The following AR variants were observed in gnomAD, a reference collection of about 807,000 sequenced individuals.
The protein encoded by AR is dihydrotestosterone receptor.
A neutral mutation model predicts 53.9 loss-of-function variants in AR; 8 were observed. That is an observed-to-expected ratio of 0.15 (90% confidence interval 0.09 to 0.27). The LOEUF (loss-of-function observed/expected upper bound fraction) is 0.27, where lower values mean the gene tolerates loss of function less well. AR is among the 10% of genes least tolerant of loss of function. The probability of loss-of-function intolerance (pLI) is 1.00; values close to 1 mark genes in which losing one functional copy is unlikely to be tolerated. For synonymous variants in AR, 359 were observed against 316.4 expected (o/e 1.13, Z -1.43); for missense variants, 639 against 742.5 (o/e 0.86, Z 1.62).
At chrX:67,549,187 G>T (rs1929897139) in intron 1 of AR, among the ~76,000 whole-genome samples, 1 of 111,259 alleles carries the variant, frequency 9.0e-6, no homozygotes, top group Non-Finnish European at 1.9e-5. Flanking sequence ...GATACAATTT[G>T]GTGAAAGGCA....
chrX:67,566,259 G>T (rs1237286254), intron 1 of AR, among the ~76,000 whole-genome samples: 1 of 111,340 alleles, frequency 9.0e-6, no homozygotes, highest in Non-Finnish European at 1.9e-5. Context: ...CCCTGTGCTG[G>T]ATTCTGAGGC....
intron 1 of AR, among the ~76,000 whole-genome samples, chrX:67,624,412 A>G (rs1450058955): frequency 8.9e-6 from 1 of 111,969 alleles, no homozygotes; most frequent in African/African-American, 3.2e-5. Flanking sequence ...AGAAAAGCCC[A>G]GGTTCAGTCT....
At chrX:67,679,582 A>G (rs1200575170) in intron 2 of AR, among the ~76,000 whole-genome samples, 1 of 111,780 alleles carries the variant, frequency 8.9e-6, no homozygotes, top group African/African-American at 3.2e-5. Context: ...ATTTCTCTCT[A>G]AAGTATTTTT....
intron 1 of AR, among the ~76,000 whole-genome samples, chrX:67,616,883 C>T (rs757866439): frequency 9.0e-6 from 1 of 111,202 alleles, no homozygotes; most frequent in South Asian, 3.8e-4. Flanking sequence ...GAAGGCAAAG[C>T]GCCTGGTGCT....
rs772490385 is a variant in AR at position 67,721,822 on chromosome X, C to G, written c.2319-11C>G. 2.5e-6 allele frequency: 3 copies of G among 1,210,897 alleles called. No individual in the cohort carries two copies. The highest frequency in any genetic ancestry group is 1.7e-5 in the African/African-American group (1 of 57,637). On this transcript the variant is annotated splice_polypyrimidine_tract_variant and intron_variant, in intron 5 of 7. Coordinates refer to ENST00000374690, the MANE Select transcript of AR (RefSeq NM_000044.6). ...CCTCATTCCTTTTTCCTCTGTGTAT[C>G]TCCTTCCCAGGTACCGCATGCACAA...
chrX:67,656,876 T>C (rs1295930280), intron 2 of AR, among the ~76,000 whole-genome samples: 5 of 109,160 alleles, frequency 4.6e-5, no homozygotes, highest in Non-Finnish European at 9.5e-5. Context: ...CAGTGATGAA[T>C]GAAACACAGT....
chrX:67,701,566 C>A (rs917664417), intron 3 of AR, among the ~76,000 whole-genome samples: 1 of 111,562 alleles, frequency 9.0e-6, no homozygotes, highest in African/African-American at 3.3e-5. Flanking sequence ...TTTTAAAAAT[C>A]TATTAATGCC....
intron 1 of AR, among the ~76,000 whole-genome samples, chrX:67,611,199 C>A (rs1480775117): frequency 9.0e-6 from 1 of 111,627 alleles, no homozygotes; most frequent in Non-Finnish European, 1.9e-5. Context: ...TAGATATTAC[C>A]TTTTCCCTGC....
chrX:67,669,587 G>A (rs1927441311), intron 2 of AR, among the ~76,000 whole-genome samples: 1 of 111,493 alleles, frequency 9.0e-6, no homozygotes. Context: ...TAAAGCCGAT[G>A]TTTCATTGTT....
intron 2 of AR, among the ~76,000 whole-genome samples, chrX:67,669,341 G>A (rs1927426062): frequency 9.0e-6 from 1 of 111,274 alleles, no homozygotes; most frequent in Non-Finnish European, 1.9e-5. Flanking sequence ...CATGTGGTTT[G>A]TATAGTTTCC....
chrX:67,666,173 A>C (rs1161952444), intron 2 of AR, among the ~76,000 whole-genome samples: 1 of 110,700 alleles, frequency 9.0e-6, no homozygotes, highest in Non-Finnish European at 1.9e-5. Context: ...TTCTAACTAT[A>C]CTTTTGTACC....
At chrX:67,616,581 T>C (rs1247754140) in intron 1 of AR, among the ~76,000 whole-genome samples, 3 of 111,463 alleles carry the variant, frequency 2.7e-5, no homozygotes, top group East Asian at 5.7e-4. Flanking sequence ...CCACATTTTC[T>C]TTCTGCTTGT....
intron 3 of AR, among the ~76,000 whole-genome samples, chrX:67,708,803 A>G (rs1444254614): frequency 9.0e-6 from 1 of 111,654 alleles, no homozygotes; most frequent in Non-Finnish European, 1.9e-5. Flanking sequence ...TGATGGTGAC[A>G]TACAGATGGG....
rs2147531240 is a variant in AR at position 67,717,636 on chromosome X, G to A, written c.2318+14G>A. On this transcript the variant is annotated intron_variant, in intron 5 of 7. Transcript: ENST00000374690. ...GGTTTTCAATGAGTAAGTGCTCCTG[G>A]GGCCCAGACCTCACTAAAATACAGC... 1 of 1,211,761 alleles carries A rather than the reference G, an allele frequency of 8.3e-7. No homozygotes were observed. Among genetic ancestry groups the A allele is most frequent in the Non-Finnish European group, 1.1e-6 (1 of 895,411 alleles).
chrX:67,695,685 A>T, intron 3 of AR: 1 of 747,223 alleles, frequency 1.3e-6, no homozygotes, highest in Non-Finnish European at 1.6e-6. Context: ...AGTCAGAAGG[A>T]CTCTCCCTGA....
intron 2 of AR, among the ~76,000 whole-genome samples, chrX:67,678,505 A>G (rs544580956): frequency 1.3e-4 from 15 of 111,815 alleles, no homozygotes; most frequent in African/African-American, 4.2e-4. Flanking sequence ...ATAGTATTCC[A>G]TCGTGTATGT....
chrX:67,689,824 A>C, intron 3 of AR: 6 of 586,018 alleles, frequency 1.0e-5, no homozygotes, highest in Non-Finnish European at 1.3e-5. Flanking sequence ...TGGCTTTCTC[A>C]CAGTCCATAG....
intron 5 of AR, among the ~76,000 whole-genome samples, chrX:67,718,047 G>A (rs1187148434): frequency 8.9e-6 from 1 of 112,639 alleles, no homozygotes; most frequent in Non-Finnish European, 1.9e-5. Flanking sequence ...GACTATGCTA[G>A]ATACTTTCTA....
intron 1 of AR, among the ~76,000 whole-genome samples, chrX:67,562,948 A>G (rs1400721415): frequency 8.9e-6 from 1 of 112,074 alleles, no homozygotes; most frequent in Non-Finnish European, 1.9e-5. Flanking sequence ...CCCTTCTTCT[A>G]ATTCACCACA....
Sources: allele counts gnomAD v4.1 joint callset (sites outside exome capture counted in the v4.1 genomes callset), GRCh38; gene constraint gnomAD v4.1.1; transcripts MANE v1.5; gene names NCBI Gene and HGNC (gene_info 2026-07-23, HGNC 2026-07-21).